The following FGF12 variants were observed in gnomAD, a reference collection of about 807,000 sequenced individuals.
FGF12 encodes the protein fibroblast growth factor 12, also known as fibroblast growth factor 12B.
A neutral mutation model predicts 23.6 loss-of-function variants in FGF12; 14 were observed. That is an observed-to-expected ratio of 0.59 (90% CI 0.39 to 0.93). The LOEUF (loss-of-function observed/expected upper bound fraction) is 0.93. Among genes scored for constraint, FGF12 ranks in the 40% least tolerant of loss-of-function variants. The probability of loss-of-function intolerance (pLI) is 0.00; values close to 1 mark genes in which losing one functional copy is unlikely to be tolerated. For synonymous variants in FGF12, 62 were observed against 77.3 expected, an observed-to-expected ratio of 0.80 and a Z score of 1.04; for missense variants, 175 against 217.8, an observed-to-expected ratio of 0.80 and a Z score of 1.24.
At chr3:192,672,349 T>A (rs1418714809) in intron 2 of FGF12, among the ~76,000 whole-genome samples, 2 of 151,086 alleles carry the variant, frequency 1.3e-5, no homozygotes, top group African/African-American at 4.8e-5. Flanking sequence ...GTTATCTGAA[T>A]GTTCTTTTTT....
chr3:192,326,181 T>C (rs747036909), intron 4 of FGF12, among the ~76,000 whole-genome samples: 1 of 152,146 alleles, frequency 6.6e-6, no homozygotes, highest in African/African-American at 2.4e-5. Flanking sequence ...TGATAAGATA[T>C]AAAAAGCATT....
In FGF12 at chr3:192,139,520, A is replaced by T. The variant is rs1369053364; in HGVS notation, c.*4489T>A. On this transcript the variant is annotated 3_prime_UTR_variant, in exon 6 of 6. Coordinates refer to ENST00000445105, the MANE Select transcript of FGF12 (RefSeq NM_004113.6). Reference sequence around the variant, plus strand: ...AACATTTAACCTTGTATTGGAGCTAATACCAATTCTAGCCATGGGAGTATG... The same window carrying T: ...AACATTTAACCTTGTATTGGAGCTATTACCAATTCTAGCCATGGGAGTATG... 1 of 152,184 alleles carries T rather than the reference A, an allele frequency of 6.6e-6. No homozygotes were observed. Among genetic ancestry groups the T allele is most frequent in the East Asian group, 1.9e-4 (1 of 5,204 alleles). The allele number at this position is 152,184 out of a possible 1,614,324, so 9.4% of individuals were successfully genotyped here. A position where few individuals can be genotyped will look rare whatever the true frequency, so the allele number is the denominator to read the frequency against.
intron 4 of FGF12, among the ~76,000 whole-genome samples, chr3:192,252,481 A>AAAG (rs1560035928): frequency 6.7e-6 from 1 of 148,558 alleles, no homozygotes; most frequent in Non-Finnish European, 1.5e-5. Flanking sequence ...AAAAAAAAAA[A>AAAG]AAAAAAAAAA....
At chr3:192,635,498 G>A (rs568411127) in intron 2 of FGF12, among the ~76,000 whole-genome samples, 66 of 152,210 alleles carry the variant, frequency 4.3e-4, no homozygotes, top group Non-Finnish European at 8.4e-4. Context: ...ATTTTGCTAC[G>A]TCACTTTACA....
intron 2 of FGF12, among the ~76,000 whole-genome samples, chr3:192,611,599 A>C (rs73203367): frequency 0.064 from 9,723 of 152,080 alleles, 479 homozygotes; most frequent in Non-Finnish European, 0.09. Flanking sequence ...TTGCCCAAGA[A>C]ACTCAAAACC....
At position 192,369,522 on chromosome 3, in the gene FGF12, CA is replaced by C. The variant is rs1176833482; in HGVS notation, c.14-8985del. ...ACCTTCATTTTTGGAGTTTCCTCTT[CA>C]CCAAAGCAGTCTGAGCTGTAGAAGA... On this transcript the variant is annotated intron_variant, in intron 2 of 5. Coordinates refer to ENST00000445105, the MANE Select transcript of FGF12 (RefSeq NM_004113.6). Among the ~76,000 whole-genome samples, 23 of 152,296 alleles carry C rather than the reference CA, an allele frequency of 1.5e-4. No individual in the cohort carries two copies. In the East Asian group the frequency reaches 4.1e-3, roughly 27 times the overall value.
intron 2 of FGF12, among the ~76,000 whole-genome samples, chr3:192,559,429 C>A (rs75699672): frequency 6.6e-6 from 1 of 151,724 alleles, no homozygotes; most frequent in African/African-American, 2.4e-5. Flanking sequence ...GAGGGGTAAA[C>A]AGGTAGAACA....
chr3:192,272,526 T>C (rs546654551), intron 4 of FGF12, among the ~76,000 whole-genome samples: 1 of 152,278 alleles, frequency 6.6e-6, no homozygotes, highest in South Asian at 2.1e-4. Context: ...CTCCACTAAA[T>C]GAATATAAAT....
At chr3:192,290,945 A>G (rs1714724670) in intron 4 of FGF12, among the ~76,000 whole-genome samples, 1 of 152,212 alleles carries the variant, frequency 6.6e-6, no homozygotes, top group African/African-American at 2.4e-5. Flanking sequence ...ATACACACAT[A>G]CATCGAAAAA....
intron 2 of FGF12, among the ~76,000 whole-genome samples, chr3:192,390,590 A>G (rs1487097766): frequency 6.6e-6 from 1 of 152,216 alleles, no homozygotes; most frequent in East Asian, 1.9e-4. Context: ...AGGGATGAAG[A>G]AAAGGTTATA....
chr3:192,442,793 C>T (rs1249883804), intron 2 of FGF12, among the ~76,000 whole-genome samples: 1 of 151,612 alleles, frequency 6.6e-6, no homozygotes, highest in East Asian at 1.9e-4. Flanking sequence ...GAAATGGGAG[C>T]CACATGTATT....
At chr3:192,146,383 G>C (rs1309303150) in intron 5 of FGF12, among the ~76,000 whole-genome samples, 1 of 149,656 alleles carries the variant, frequency 6.7e-6, no homozygotes, top group Non-Finnish European at 1.5e-5. Context: ...CCATTCTCCT[G>C]TCTCAGCCTC....
At chr3:192,642,077 A>C (rs1166808524) in intron 2 of FGF12, among the ~76,000 whole-genome samples, 1 of 152,236 alleles carries the variant, frequency 6.6e-6, no homozygotes, top group Non-Finnish European at 1.5e-5. Flanking sequence ...TTGGTTATAC[A>C]TCCATGGGCT....
chr3:192,417,015 A>C (rs1362815851), intron 2 of FGF12, among the ~76,000 whole-genome samples: 2 of 152,134 alleles, frequency 1.3e-5, no homozygotes, highest in African/African-American at 2.4e-5. Flanking sequence ...TTAAACTTGC[A>C]GTGTTAACTG....
chr3:192,608,715 T>C (rs927525931), intron 2 of FGF12, among the ~76,000 whole-genome samples: 2 of 152,116 alleles, frequency 1.3e-5, no homozygotes, highest in Non-Finnish European at 2.9e-5. Context: ...TATTGCTACT[T>C]TACTGTGAAC....
chr3:192,480,509 C>A (rs1273058273), intron 2 of FGF12, among the ~76,000 whole-genome samples: 2 of 152,272 alleles, frequency 1.3e-5, no homozygotes, highest in East Asian at 3.9e-4. Context: ...GAAGATAGTC[C>A]TCTTTCCAAG....
chr3:192,647,240 T>C (rs1716037827), intron 2 of FGF12, among the ~76,000 whole-genome samples: 1 of 152,120 alleles, frequency 6.6e-6, no homozygotes, highest in Non-Finnish European at 1.5e-5. Context: ...TGCTGAATGA[T>C]AAGATTGATC....
chr3:192,178,789 C>T (rs557889018), intron 4 of FGF12, among the ~76,000 whole-genome samples: 6 of 152,186 alleles, frequency 3.9e-5, no homozygotes, highest in Admixed American at 2.6e-4. Context: ...TAAGCCACTG[C>T]GCCAGGTCTA....
At chr3:192,287,464 T>C (rs1714518101) in intron 4 of FGF12, among the ~76,000 whole-genome samples, 1 of 152,060 alleles carries the variant, frequency 6.6e-6, no homozygotes, top group African/African-American at 2.4e-5. Context: ...TGTTTTAATG[T>C]GTTTAGCTAT....
Sources: allele counts gnomAD v4.1 joint callset (sites outside exome capture counted in the v4.1 genomes callset), GRCh38; gene constraint gnomAD v4.1.1; transcripts MANE v1.5; gene names NCBI Gene and HGNC (gene_info 2026-07-23, HGNC 2026-07-21).